RYR3: variants seen among roughly 807,000 people sequenced by gnomAD.
The protein encoded by RYR3 is ryanodine receptor 3, also known as brain ryanodine receptor-calcium release channel.
Under a neutral mutation model 584.3 loss-of-function variants are expected in RYR3, and 207 were observed. The ratio of observed to expected loss-of-function variants is 0.35; its 90% confidence interval spans 0.32 to 0.40. RYR3 has a LOEUF of 0.40. RYR3 is among the 10% of genes least tolerant of loss of function. The pLI is 1.00. For synonymous variants in RYR3, 2,416 were observed against 2,248.5 expected (o/e 1.07, Z -2.11); for missense variants, 5,616 against 6,089.2 (o/e 0.92, Z 2.59).
At chr15:33,599,344 C>G (rs1023834829) in intron 16 of RYR3, among the ~76,000 whole-genome samples, 1 of 152,142 alleles carries the variant, frequency 6.6e-6, no homozygotes, top group Non-Finnish European at 1.5e-5. Context: ...AGGACACGCT[C>G]GTGACACAGC....
chr15:33,682,434 T>C (rs1033269272), intron 38 of RYR3, among the ~76,000 whole-genome samples: 7 of 152,160 alleles, frequency 4.6e-5, no homozygotes, highest in African/African-American at 1.4e-4. Context: ...ATATTTCCAT[T>C]CTGAGTTAGC....
chr15:33,603,172 A>G lies in RYR3; in HGVS notation c.1972A>G (p.Lys658Glu). The change falls in exon 18 of 104, where the codon AAG becomes GAG. Residue 658 changes from lysine (K) to glutamate (E), a missense_variant. Lys to Glu is a moderately conservative substitution (Grantham distance 56, BLOSUM62 1). Coordinates refer to ENST00000634891, the MANE Select transcript of RYR3 (RefSeq NM_001036.6). ...AGTCGCGGAGGGCTCAGCCCAGTAC[A>G]AGAAGTGGTACTTCGAGCTGATTAT... ...LGVAEGSAQYKKWYFELIIDQ... is the reference protein window; with the variant it reads ...LGVAEGSAQYEKWYFELIIDQ... 1.2e-6 allele frequency: 2 copies of G among 1,613,906 alleles called. No homozygotes were observed. Among genetic ancestry groups the G allele is most frequent in the Middle Eastern group, 3.3e-4 (2 of 6,062 alleles).
rs1396939840 is a variant in RYR3 at position 33,758,207 on chromosome 15, C to T, written c.8705+611C>T. 2.0e-5 allele frequency among the ~76,000 whole-genome samples: 3 copies of T among 152,200 alleles called. No homozygotes were observed. The East Asian group carries it at 5.8e-4, about 29-fold the overall frequency. The stretch of plus-strand genomic sequence containing the variant: ...AGGGCCCTGGGTTTCAAGCACAAAA[C>T]TGGGTGGCCGTTCGGGCAGACACTG... On this transcript the variant is annotated intron_variant, in intron 60 of 103. Transcript: ENST00000634891.
intron 76 of RYR3, among the ~76,000 whole-genome samples, chr15:33,819,109 GC>G (rs2152955853): frequency 6.6e-6 from 1 of 151,754 alleles, no homozygotes; most frequent in East Asian, 1.9e-4. Context: ...GGCGACAAGA[GC>G]AAAACTCCGT....
At chr15:33,836,203 G>GT (rs2078041060) in intron 87 of RYR3, among the ~76,000 whole-genome samples, 1 of 147,652 alleles carries the variant, frequency 6.8e-6, no homozygotes, top group African/African-American at 2.5e-5. Context: ...TTTTTGTGAG[G>GT]GGGGGGTCTG....
At chr15:33,822,713 C>T (rs2077174403) in intron 80 of RYR3, among the ~76,000 whole-genome samples, 1 of 152,218 alleles carries the variant, frequency 6.6e-6, no homozygotes, top group Non-Finnish European at 1.5e-5. Flanking sequence ...ATGAGCTATT[C>T]AGATTATAAC....
intron 38 of RYR3, among the ~76,000 whole-genome samples, chr15:33,672,845 A>C (rs1223588829): frequency 6.6e-6 from 1 of 152,122 alleles, no homozygotes; most frequent in Non-Finnish European, 1.5e-5. Context: ...TACTGCTGTT[A>C]GTTTTCTACA....
chr15:33,698,081 T>A, intron 40 of RYR3, 85 bp downstream of exon 40: 1 of 883,166 alleles, frequency 1.1e-6, no homozygotes, highest in Non-Finnish European at 1.9e-6. Flanking sequence ...GTGGCTGGTG[T>A]CCCTTGCCTC....
At chr15:33,596,224 C>T (rs2152541527) in intron 16 of RYR3, among the ~76,000 whole-genome samples, 1 of 151,314 alleles carries the variant, frequency 6.6e-6, no homozygotes, top group South Asian at 2.1e-4. Context: ...TTTTCTTTAA[C>T]AATAATGTTT....
chr15:33,368,731 C>T (rs1975879175), intron 1 of RYR3, among the ~76,000 whole-genome samples: 3 of 152,228 alleles, frequency 2.0e-5, no homozygotes, highest in South Asian at 4.2e-4. Flanking sequence ...TCCTCGCCTG[C>T]AGTCTTGGCA....
chr15:33,806,312 C>T (rs1040864821), intron 69 of RYR3, among the ~76,000 whole-genome samples: 1 of 152,032 alleles, frequency 6.6e-6, no homozygotes, highest in African/African-American at 2.4e-5. Context: ...ATGATGTAAG[C>T]GTGGGGAGAT....
chr15:33,465,816 T>G (rs1370403150), intron 1 of RYR3: 3 of 518,544 alleles, frequency 5.8e-6, no homozygotes, highest in Non-Finnish European at 1.2e-5. Context: ...AAGAATTTGC[T>G]GATGGTGTGG....
chr15:33,554,171 C>A (rs1386620497), intron 10 of RYR3, among the ~76,000 whole-genome samples: 1 of 152,042 alleles, frequency 6.6e-6, no homozygotes, highest in Non-Finnish European at 1.5e-5. Flanking sequence ...CCCCACCCTG[C>A]TTTATTTTTG....
At chr15:33,650,242 T>C (rs2062386727) in intron 31 of RYR3, among the ~76,000 whole-genome samples, 1 of 152,152 alleles carries the variant, frequency 6.6e-6, no homozygotes, top group Non-Finnish European at 1.5e-5. Context: ...CTGGGCGTGG[T>C]GGCGTGTGCC....
At chr15:33,363,276 C>T (rs1396083849) in intron 1 of RYR3, among the ~76,000 whole-genome samples, 1 of 152,168 alleles carries the variant, frequency 6.6e-6, no homozygotes, top group African/African-American at 2.4e-5. Context: ...CTTAGCCTCT[C>T]CCTCCCTCAC....
At chr15:33,771,834 T>A (rs994889602) in intron 62 of RYR3, 86 bp from the exon 63 acceptor site, 21 of 876,982 alleles carry the variant, frequency 2.4e-5, no homozygotes, top group Middle Eastern at 2.2e-4. Context: ...GGCAAATGTC[T>A]GCCCAGATGA....
chr15:33,701,872 G>A (rs954760657), intron 42 of RYR3, among the ~76,000 whole-genome samples: 12 of 152,148 alleles, frequency 7.9e-5, no homozygotes, highest in Admixed American at 3.9e-4. Flanking sequence ...AGAGTATGGC[G>A]TGCTGGGGAA....
intron 3 of RYR3, among the ~76,000 whole-genome samples, chr15:33,523,745 G>A (rs2054186679): frequency 6.6e-6 from 1 of 152,122 alleles, no homozygotes; most frequent in African/African-American, 2.4e-5. Flanking sequence ...AAAGTGAAGA[G>A]GGACAGTCAG....
chr15:33,744,939 C>G (rs1242031317), intron 52 of RYR3, among the ~76,000 whole-genome samples: 1 of 152,154 alleles, frequency 6.6e-6, no homozygotes, highest in Non-Finnish European at 1.5e-5. Context: ...TGATTTTTGA[C>G]TATCCCCTGA....
Sources: gnomAD v4.1 joint callset for allele counts (sites outside exome capture counted in the v4.1 genomes callset) on GRCh38, gnomAD v4.1.1 for gene constraint, MANE v1.5 for transcripts, NCBI Gene and HGNC (gene_info 2026-07-23, HGNC 2026-07-21) for gene names.